The following BAZ2B variants were observed in gnomAD, a reference collection of about 807,000 sequenced individuals.
BAZ2B encodes the protein bromodomain adjacent to zinc finger domain protein 2B.
BAZ2B carries 91 observed loss-of-function variants against 246.0 expected under a neutral mutation model. The observed-to-expected ratio is 0.37, with a 90% CI of 0.31 to 0.44. The LOEUF (loss-of-function observed/expected upper bound fraction) is 0.44, where lower values mean the gene tolerates loss of function less well. Among genes scored for constraint, BAZ2B ranks in the 20% least tolerant of loss-of-function variants. BAZ2B has a pLI of 1.00. For missense variants in BAZ2B, 2,332 were observed against 2,533.7 expected (o/e 0.92, Z 1.71); for synonymous variants, 855 against 860.0 (o/e 0.99, Z 0.10).
At chr2:159,382,932 TAAAA>T (rs538397647) in intron 24 of BAZ2B, 130 bp from the exon 25 acceptor site, 1 of 1,217,088 alleles carries the variant, frequency 8.2e-7, no homozygotes, top group Admixed American at 3.0e-5. Context: ...ATACCAATGT[TAAAA>T]AAAATTAGAA....
chr2:159,483,746 A>C (rs2079511933), intron 2 of BAZ2B, among the ~76,000 whole-genome samples: 1 of 152,138 alleles, frequency 6.6e-6, no homozygotes, highest in Non-Finnish European at 1.5e-5. Flanking sequence ...GCACCACTGT[A>C]CTCCATTCTG....
At chr2:159,453,535 G>T in intron 4 of BAZ2B, 78 bp downstream of exon 4, 1 of 1,428,304 alleles carries the variant, frequency 7.0e-7, no homozygotes, top group Non-Finnish European at 9.3e-7. Context: ...TATTCCTTTT[G>T]TTCAATAGAC....
intron 1 of BAZ2B, among the ~76,000 whole-genome samples, chr2:159,572,259 G>A (rs530137629): frequency 1.5e-3 from 232 of 152,260 alleles, no homozygotes; most frequent in African/African-American, 4.9e-3. Flanking sequence ...GCACTTTCCT[G>A]AGCTCAATGA....
intron 36 of BAZ2B, chr2:159,321,858 T>C (rs1042187786): frequency 2.0e-5 from 3 of 152,126 alleles, no homozygotes; most frequent in African/African-American, 7.2e-5. Context: ...CTATAGTCAA[T>C]CATAGTTTAA....
At chr2:159,380,122 A>AC (rs1235554309) in intron 25 of BAZ2B, among the ~76,000 whole-genome samples, 1 of 151,972 alleles carries the variant, frequency 6.6e-6, no homozygotes, top group Non-Finnish European at 1.5e-5. Flanking sequence ...AGAACCTTAT[A>AC]CCACAGTGCT....
intron 9 of BAZ2B, among the ~76,000 whole-genome samples, chr2:159,432,014 C>T (rs531843170): frequency 3.9e-5 from 6 of 152,108 alleles, no homozygotes; most frequent in East Asian, 3.9e-4. Context: ...ACCCTGAGCA[C>T]GAAGTTTGTT....
chr2:159,566,851 G>A (rs1338795325), intron 1 of BAZ2B, among the ~76,000 whole-genome samples: 1 of 152,122 alleles, frequency 6.6e-6, no homozygotes, highest in East Asian at 1.9e-4. Context: ...TAAGATGTGA[G>A]AGGTTATATA....
At chr2:159,385,674 C>T (rs1236354323) in intron 22 of BAZ2B, among the ~76,000 whole-genome samples, 1 of 152,036 alleles carries the variant, frequency 6.6e-6, no homozygotes, top group East Asian at 1.9e-4. Context: ...AAAAGCGACA[C>T]CAACCTTTCC....
intron 2 of BAZ2B, among the ~76,000 whole-genome samples, chr2:159,530,362 C>T (rs920802068): frequency 1.3e-5 from 2 of 152,324 alleles, no homozygotes; most frequent in East Asian, 3.8e-4. Context: ...TCACATAATA[C>T]TCTCATAGTG....
At chr2:159,367,032 G>A (rs550114207) in intron 27 of BAZ2B, among the ~76,000 whole-genome samples, 1 of 152,164 alleles carries the variant, frequency 6.6e-6, no homozygotes, top group Non-Finnish European at 1.5e-5. Context: ...GAGCTGATGT[G>A]CAGAGGAACA....
chr2:159,393,611 G>A (rs1576476325), intron 20 of BAZ2B, among the ~76,000 whole-genome samples: 1 of 125,386 alleles, frequency 8.0e-6, no homozygotes, highest in East Asian at 2.4e-4. Context: ...TGAGTATTCT[G>A]TATTCTACTT....
chr2:159,385,778 T>C (rs2062580173), intron 22 of BAZ2B, among the ~76,000 whole-genome samples: 2 of 152,140 alleles, frequency 1.3e-5, no homozygotes, highest in Non-Finnish European at 2.9e-5. Flanking sequence ...TAGGTTTTAC[T>C]GGCTGGGGAT....
intron 8 of BAZ2B, chr2:159,437,863 G>C (rs2072679726): frequency 6.3e-6 from 1 of 158,542 alleles, no homozygotes; most frequent in Admixed American, 6.4e-5. Flanking sequence ...GTTGCAGTGA[G>C]CTGAGATTGA....
the BAZ2B span, among the ~76,000 whole-genome samples, chr2:159,665,772 C>T: frequency 1.2e-4 from 19 of 152,070 alleles, no homozygotes; most frequent in African/African-American, 4.6e-4. Context: ...TAGGCATTAC[C>T]ATTCAGGACA....
chr2:159,528,026 A>G (rs2084939945), intron 2 of BAZ2B, among the ~76,000 whole-genome samples: 1 of 152,200 alleles, frequency 6.6e-6, no homozygotes, highest in Non-Finnish European at 1.5e-5. Flanking sequence ...GAGACTAAGT[A>G]TGGGAGATTG....
chr2:159,587,081 C>CT lies in BAZ2B; in HGVS notation c.-46+29160dup, dbSNP rs879641658. On this transcript the variant is annotated intron_variant, in intron 1 of 36. Coordinates refer to ENST00000392783, the MANE Select transcript of BAZ2B (RefSeq NM_013450.4). ...TTTAATAATATCCTATCACCTGCAA[C>CT]TTTTTTTTTTTTTTTGAGACGGAGT... Among the ~76,000 whole-genome samples, 1,377 of 143,968 alleles carry CT rather than the reference C, an allele frequency of 9.6e-3. 11 individuals are homozygous for CT. The highest frequency in any genetic ancestry group is 0.018 in the African/African-American group (694 of 39,468). The allele number at this position is 143,968 out of a possible 152,430, so 94.4% of individuals were successfully genotyped here.
chr2:159,687,139 A>AT, the BAZ2B span, among the ~76,000 whole-genome samples: 5 of 151,726 alleles, frequency 3.3e-5, no homozygotes, highest in African/African-American at 9.7e-5. Flanking sequence ...TTGCTGTACT[A>AT]TTTTTTTCTT....
rs369368508 is a variant in BAZ2B, at chr2:159,477,884, G to A, written c.145+691C>T. Among the ~76,000 whole-genome samples, 52 of 152,220 alleles carry A rather than the reference G, an allele frequency of 3.4e-4. 1 individual carries two copies. The highest frequency in any genetic ancestry group is 1.1e-3 in the African/African-American group (46 of 41,556). On this transcript the variant is annotated intron_variant, in intron 3 of 36. Transcript: ENST00000392783. The stretch of plus-strand genomic sequence containing the variant: ...GTTGCCCAGGCTGGAATGCAATGGC[G>A]CAATCTTGGTTCACTGCAATCTCCA...
intron 2 of BAZ2B, among the ~76,000 whole-genome samples, chr2:159,482,069 A>T (rs552453265): frequency 6.6e-6 from 1 of 151,892 alleles, no homozygotes; most frequent in Admixed American, 6.6e-5. Flanking sequence ...GATGAAAAAT[A>T]TATGTGAACT....
Sources: allele counts gnomAD v4.1 joint callset (sites outside exome capture counted in the v4.1 genomes callset), GRCh38; gene constraint gnomAD v4.1.1; transcripts MANE v1.5; gene names NCBI Gene and HGNC (gene_info 2026-07-23, HGNC 2026-07-21).